Variants in GBF1 observed in about 807,000 individuals in gnomAD.
GBF1 encodes the protein Golgi-specific brefeldin A-resistance guanine nucleotide exchange factor 1.
A neutral mutation model predicts 210.5 loss-of-function variants in GBF1; 114 were observed. The ratio of observed to expected loss-of-function variants is 0.54; its 90% CI spans 0.47 to 0.63. The LOEUF (loss-of-function observed/expected upper bound fraction) is 0.63, where lower values mean the gene tolerates loss of function less well. Ranked by LOEUF, GBF1 falls within the 30% of genes least tolerant of loss-of-function variation. GBF1 has a pLI of 0.00. For synonymous variants in GBF1, 850 were observed against 889.2 expected, an observed-to-expected ratio of 0.96 and a Z score of 0.78; for missense variants, 1,851 against 2,357.7, an observed-to-expected ratio of 0.79 and a Z score of 4.45.
intron 3 of GBF1, among the ~76,000 whole-genome samples, chr10:102,298,369 A>G (rs2077077400): frequency 6.6e-6 from 1 of 152,258 alleles, no homozygotes; most frequent in African/African-American, 2.4e-5. Context: ...TAAAAAATTA[A>G]ATAGAAAGTT....
At chr10:102,323,847 T>G (rs1221953937) in intron 3 of GBF1, among the ~76,000 whole-genome samples, 1 of 152,190 alleles carries the variant, frequency 6.6e-6, no homozygotes, top group Non-Finnish European at 1.5e-5. Flanking sequence ...GAAGTTTAAC[T>G]CTTATGGACA....
rs373703734 is a variant in GBF1 at position 102,370,416 on chromosome 10, A to T, written c.3444A>T (p.Thr1148=). The part of the protein sequence containing the change: ...ALVSVTPDEE[T]YDEEDAAFCL... ...TCTCAGTGACACCAGATGAAGAGAC[A>T]TATGATGAGGAAGATGCTGCTTTCT... Residue 1148 remains threonine (T), a synonymous_variant, in exon 28 of 40, where the codon ACA becomes ACT. Coordinates refer to ENST00000369983, the MANE Select transcript of GBF1 (RefSeq NM_001377137.1). The T allele has an allele frequency of 8.7e-6, 14 of 1,613,198 alleles. No homozygotes were observed. Among genetic ancestry groups the T allele is most frequent in the Non-Finnish European group, 1.2e-5 (14 of 1,179,116 alleles).
Position 102,379,649 on chromosome 10 carries a change from A to C in GBF1, c.4774A>C (p.Lys1592Gln), listed in dbSNP as rs1296920387. Residue 1592 changes from lysine to glutamine, a missense_variant and splice_region_variant, in exon 35 of 40, where the codon AAG becomes CAG. By Grantham distance (53) the Lys-to-Gln change is moderately conservative. Coordinates refer to ENST00000369983, the MANE Select transcript of GBF1 (RefSeq NM_001377137.1). ...DALEWESCFN[K>Q]VLFPLLTKLL... Reference sequence around the variant, plus strand: ...CCTGGAATGGGAGTCCTGTTTTAACAAGGTGGGACTTCCTACTGGTCTTAA... The same window carrying C: ...CCTGGAATGGGAGTCCTGTTTTAACCAGGTGGGACTTCCTACTGGTCTTAA... 6.2e-7 allele frequency: 1 copy of C among 1,613,924 alleles called. No homozygotes were observed. Among genetic ancestry groups the C allele is most frequent in the Admixed American group, 1.7e-5 (1 of 59,998 alleles).
upstream of GBF1, among the ~76,000 whole-genome samples, chr10:102,242,844 G>A (rs1463504236): frequency 6.6e-6 from 1 of 150,802 alleles, no homozygotes; most frequent in African/African-American, 2.4e-5. Context: ...AAGAAGAATG[G>A]CGTGAACCCA....
At chr10:102,368,905 A>G in intron 23 of GBF1, 73 bp downstream of exon 23, 4 of 1,038,024 alleles carry the variant, frequency 3.9e-6, no homozygotes, top group Non-Finnish European at 6.0e-6. Context: ...ATCTACCCTT[A>G]TCAACAGACC....
chr10:102,367,339 C>A, intron 20 of GBF1, 129 bp downstream of exon 20: 1 of 1,198,632 alleles, frequency 8.3e-7, no homozygotes, highest in Non-Finnish European at 1.2e-6. Context: ...GGCTGGCCAA[C>A]CTAGAAAAGG....
intron 8 of GBF1, 68 bp from the exon 9 acceptor site, chr10:102,357,971 T>C (rs1308195557): frequency 3.7e-6 from 4 of 1,067,710 alleles, no homozygotes; most frequent in Middle Eastern, 2.1e-4. Context: ...TAGGACTAAA[T>C]GAAGGGAGAT....
At chr10:102,325,395 C>T (rs908227067) in intron 3 of GBF1, among the ~76,000 whole-genome samples, 4 of 151,760 alleles carry the variant, frequency 2.6e-5, no homozygotes, top group Non-Finnish European at 4.4e-5. Context: ...ACTAAAAATG[C>T]AAAAATTAGC....
At chr10:102,258,519 C>T (rs1029532449) in intron 1 of GBF1, among the ~76,000 whole-genome samples, 2 of 149,326 alleles carry the variant, frequency 1.3e-5, no homozygotes, top group African/African-American at 2.4e-5. Context: ...CGCCTGTAAT[C>T]CCAGCACTTT....
chr10:102,368,348 C>G lies in GBF1; in HGVS notation c.2773C>G (p.Leu925Val), dbSNP rs1451700712. 6.2e-7 allele frequency: 1 copy of G among 1,613,856 alleles called. No homozygotes were observed. The highest frequency in any genetic ancestry group is 1.1e-5 in the South Asian group (1 of 91,078). Residue 925 changes from leucine to valine, a missense_variant, in exon 22 of 40, where the codon CTT (leucine) becomes GTT (valine). Physicochemically the swap from Leu to Val is conservative, Grantham distance 32. This residue lies in a region of GBF1 where 967 missense variants were observed against 1,247.7 expected (regional missense o/e 0.78). Transcript: ENST00000369983. ...FLRVPTASYD[L>V]DLFTMTWGPT... ...GCGTGTGCCTACTGCCAGCTATGAT[C>G]TTGACCTCTTCACCATGACCTGGGG...
chr10:102,270,949 G>A lies in GBF1; in HGVS notation c.163+10833G>A, dbSNP rs757742484. 2.3e-4 allele frequency among the ~76,000 whole-genome samples: 35 copies of A among 151,980 alleles called. No homozygotes were observed. In the East Asian group the frequency reaches 6.0e-3, roughly 26 times the overall value. ...GATCATAGCTCCCAGCAGCTCAAGC[G>A]ATCCTCCTGCCTCAGCCTCCTGAGT... On this transcript the variant is annotated intron_variant, in intron 3 of 39. Coordinates refer to ENST00000369983, the MANE Select transcript of GBF1 (RefSeq NM_001377137.1).
chr10:102,317,940 G>A (rs923929723), intron 3 of GBF1, among the ~76,000 whole-genome samples: 19 of 151,356 alleles, frequency 1.3e-4, no homozygotes, highest in Admixed American at 4.6e-4. Context: ...ACGGAGTCTC[G>A]CCCTGTCACC....
chr10:102,242,587 G>T (rs956291118), upstream of GBF1, among the ~76,000 whole-genome samples: 8 of 152,170 alleles, frequency 5.3e-5, no homozygotes, highest in African/African-American at 1.4e-4. Context: ...CAGGAAACAG[G>T]CTCCTTCTCT....
At chr10:102,231,517 G>T in the GBF1 span, 1 of 1,040,402 alleles carries the variant, frequency 9.6e-7, no homozygotes, top group Non-Finnish European at 1.4e-6. Context: ...GGGTGGAACC[G>T]CTGGCCTCCG....
At chr10:102,295,225 A>G (rs1002473983) in intron 3 of GBF1, among the ~76,000 whole-genome samples, 1 of 152,218 alleles carries the variant, frequency 6.6e-6, no homozygotes, top group African/African-American at 2.4e-5. Context: ...CCTCCAGAGA[A>G]CTAAACTCAA....
chr10:102,304,246 T>C (rs1343665194), intron 3 of GBF1, among the ~76,000 whole-genome samples: 2 of 152,222 alleles, frequency 1.3e-5, no homozygotes, highest in African/African-American at 4.8e-5. Flanking sequence ...GACCGTTCTT[T>C]GAATACTTAC....
chr10:102,293,764 GTTTTGTGTTTTTTTTT>G lies in GBF1; in HGVS notation c.163+33653_163+33668del, dbSNP rs1165157443. Reference sequence around the variant, plus strand: ...AAAATATTTTGTACAGCTGTAGTATGTTTTGTGTTTTTTTTTTTTTTTTTTTTTTTTGAGATGGAGT... The same window carrying G: ...AAAATATTTTGTACAGCTGTAGTATGTTTTTTTTTTTTTTTGAGATGGAGT... On this transcript the variant is annotated intron_variant, in intron 3 of 39. Transcript: ENST00000369983. 1.2e-4 allele frequency among the ~76,000 whole-genome samples: 6 copies of G among 50,888 alleles called. 1 individual carries two copies. Among genetic ancestry groups the G allele is most frequent in the Admixed American group, 2.9e-4 (1 of 3,506 alleles). 33.4% of individuals were successfully genotyped at this position (50,888 alleles called of 152,430 possible).
At chr10:102,323,238 T>TG (rs2056590607) in intron 3 of GBF1, among the ~76,000 whole-genome samples, 1 of 58,416 alleles carries the variant, frequency 1.7e-5, no homozygotes, top group African/African-American at 5.9e-5. Context: ...TCTCCAAAAT[T>TG]GAAAAAAAAA....
chr10:102,364,224 T>C (rs1223216302), intron 17 of GBF1, among the ~76,000 whole-genome samples: 2 of 136,388 alleles, frequency 1.5e-5, no homozygotes, highest in Non-Finnish European at 3.2e-5. Context: ...TTTCTTTTTT[T>C]TTTTTTTTTT....
Sources: gnomAD v4.1 joint callset for allele counts (sites outside exome capture counted in the v4.1 genomes callset) on GRCh38, gnomAD v4.1.1 for gene constraint, gnomAD v4.1.1 regional missense constraint, MANE v1.5 for transcripts, NCBI Gene and HGNC (gene_info 2026-07-23, HGNC 2026-07-21) for gene names.